Variants in GNAQ observed in about 807,000 individuals in gnomAD.
GNAQ encodes the protein guanine nucleotide-binding protein G(q) subunit alpha.
Under a neutral mutation model 43.9 loss-of-function variants are expected in GNAQ, and 8 were observed. That is an observed-to-expected ratio of 0.18 (90% confidence interval 0.11 to 0.33). The LOEUF (loss-of-function observed/expected upper bound fraction) is 0.33. Ranked by LOEUF, GNAQ falls within the 10% of genes least tolerant of loss-of-function variation. The pLI is 1.00. For synonymous variants in GNAQ, 155 were observed against 170.7 expected (o/e 0.91, Z 0.71); for missense variants, 158 against 450.8 (o/e 0.35, Z 5.88).
intron 1 of GNAQ, among the ~76,000 whole-genome samples, chr9:77,971,624 G>A (rs1032897275): frequency 5.9e-5 from 9 of 152,152 alleles, no homozygotes; most frequent in African/African-American, 1.7e-4. Context: ...TCAATGGAAC[G>A]TATCTCAAAA....
intron 5 of GNAQ, among the ~76,000 whole-genome samples, chr9:77,793,683 G>A (rs538778136): frequency 5.3e-5 from 8 of 152,088 alleles, no homozygotes; most frequent in Non-Finnish European, 1.0e-4. Flanking sequence ...TATCAATGGT[G>A]TCTTCCCCGT....
At chr9:77,834,812 C>T (rs1451587580) in intron 2 of GNAQ, among the ~76,000 whole-genome samples, 1 of 152,200 alleles carries the variant, frequency 6.6e-6, no homozygotes, top group East Asian at 1.9e-4. Context: ...CTATGCCCCA[C>T]TCCCAATCTG....
At chr9:78,011,711 T>C (rs1823774647) in intron 1 of GNAQ, among the ~76,000 whole-genome samples, 1 of 152,206 alleles carries the variant, frequency 6.6e-6, no homozygotes, top group African/African-American at 2.4e-5. Flanking sequence ...TTGACATTGA[T>C]ATTCAAAACA....
At chr9:77,898,836 C>G (rs1440602775) in intron 2 of GNAQ, among the ~76,000 whole-genome samples, 2 of 151,976 alleles carry the variant, frequency 1.3e-5, no homozygotes, top group South Asian at 4.2e-4. Context: ...GAGGTTGTTT[C>G]TTTCTTGCAT....
chr9:77,739,307 C>G (rs1274036207), intron 5 of GNAQ, among the ~76,000 whole-genome samples: 1 of 152,188 alleles, frequency 6.6e-6, no homozygotes, highest in Non-Finnish European at 1.5e-5. Context: ...AGATTACTTA[C>G]TAACATGTAG....
chr9:77,719,964 A>C lies in GNAQ; in HGVS notation c.*1359T>G, dbSNP rs1363783078. The C allele has an allele frequency of 3.0e-5, 7 of 232,518 alleles. No homozygotes were observed. Among genetic ancestry groups the C allele is most frequent in the South Asian group, 1.8e-4 (1 of 5,526 alleles). The allele number at this position is 232,518 out of a possible 1,614,324, so 14.4% of individuals were successfully genotyped here. ...TTTGGAAATTAAAGGTGTCGGAATAATACTACCAACCAATGTTCCTGGCAG... is the reference window on the plus strand; with the variant it reads ...TTTGGAAATTAAAGGTGTCGGAATACTACTACCAACCAATGTTCCTGGCAG... On this transcript the variant is annotated 3_prime_UTR_variant, in exon 7 of 7. Transcript: ENST00000286548.
chr9:77,728,952 T>A (rs1337153708), intron 5 of GNAQ, among the ~76,000 whole-genome samples: 1 of 152,186 alleles, frequency 6.6e-6, no homozygotes, highest in African/African-American at 2.4e-5. Flanking sequence ...GCCTAGAGAA[T>A]CATGTTGTGA....
intron 2 of GNAQ, among the ~76,000 whole-genome samples, chr9:77,819,029 A>ATG (rs1564120114): frequency 8.4e-6 from 1 of 119,184 alleles, no homozygotes. Context: ...AAAAAAAAAA[A>ATG]CACCCAAAAA....
At chr9:77,875,879 GT>G (rs969516928) in intron 2 of GNAQ, among the ~76,000 whole-genome samples, 5 of 152,128 alleles carry the variant, frequency 3.3e-5, no homozygotes, top group Non-Finnish European at 7.4e-5. Context: ...AGAGGGGAGA[GT>G]TTTGCTGAAA....
chr9:77,843,973 C>G (rs1186450113), intron 2 of GNAQ, among the ~76,000 whole-genome samples: 1 of 152,058 alleles, frequency 6.6e-6, no homozygotes, highest in African/African-American at 2.4e-5. Context: ...CTGACCACAC[C>G]CCACCATTCT....
chr9:77,774,301 T>C (rs900849821), intron 5 of GNAQ, among the ~76,000 whole-genome samples: 7 of 152,180 alleles, frequency 4.6e-5, no homozygotes, highest in Non-Finnish European at 8.8e-5. Flanking sequence ...TTTCAATAAA[T>C]TGACAGAAAA....
At chr9:77,856,062 C>G (rs1458883962) in intron 2 of GNAQ, among the ~76,000 whole-genome samples, 1 of 152,158 alleles carries the variant, frequency 6.6e-6, no homozygotes, top group African/African-American at 2.4e-5. Context: ...GAATAATAAT[C>G]TACACATCAT....
intron 1 of GNAQ, among the ~76,000 whole-genome samples, chr9:77,998,972 TC>T (rs1324595959): frequency 6.6e-6 from 1 of 150,902 alleles, no homozygotes; most frequent in African/African-American, 2.4e-5. Context: ...GCACCTGTAA[TC>T]CCAGCTACTT....
At chr9:77,958,436 C>T (rs1329681575) in intron 1 of GNAQ, among the ~76,000 whole-genome samples, 1 of 151,932 alleles carries the variant, frequency 6.6e-6, no homozygotes, top group Non-Finnish European at 1.5e-5. Context: ...GCTAAAATAA[C>T]AATAAATGAC....
In GNAQ at chr9:78,031,751, G is replaced by A. The variant is rs1824065951; in HGVS notation, c.-516C>T. ...CTGACACGGCTCCCGGGCGCCCTCG[G>A]CCCTGTCCGCGCCCACCGCCCGGCT... On this transcript the variant is annotated 5_prime_UTR_variant, in exon 1 of 7. Coordinates refer to ENST00000286548, the MANE Select transcript of GNAQ (RefSeq NM_002072.5). Among the ~76,000 whole-genome samples, 1 of 147,794 alleles carries A rather than the reference G, an allele frequency of 6.8e-6. No individual in the cohort carries two copies. Among genetic ancestry groups the A allele is most frequent in the South Asian group, 2.1e-4 (1 of 4,806 alleles).
At chr9:77,746,268 A>C (rs1454539289) in intron 5 of GNAQ, among the ~76,000 whole-genome samples, 1 of 152,208 alleles carries the variant, frequency 6.6e-6, no homozygotes, top group Non-Finnish European at 1.5e-5. Context: ...ACAAGGAAAT[A>C]AGCCAAGGAA....
chr9:77,972,441 G>T (rs925432709), intron 1 of GNAQ, among the ~76,000 whole-genome samples: 1 of 151,874 alleles, frequency 6.6e-6, no homozygotes, highest in East Asian at 1.9e-4. Context: ...CAAAACAAAT[G>T]CAAGTAACAT....
intron 5 of GNAQ, among the ~76,000 whole-genome samples, chr9:77,735,532 G>A (rs144511101): frequency 6.6e-6 from 1 of 152,284 alleles, no homozygotes; most frequent in Admixed American, 6.5e-5. Context: ...CTAGTCTTCT[G>A]CATATTTCTT....
In GNAQ at chr9:77,794,553, T is replaced by C. The variant is rs750117272; in HGVS notation, c.645A>G (p.Lys215=). 1 of 1,607,936 alleles carries C rather than the reference T, an allele frequency of 6.2e-7. No homozygotes were observed. The highest frequency in any genetic ancestry group is 8.5e-7 in the Non-Finnish European group (1 of 1,174,902). ...DVGGQRSERR[K]WIHCFENVTS... ...TGACATTTTCAAAGCAGTGTATCCA[T>C]TTTCTTCTCTCTGACCTTTGGCCCC... Residue 215 remains lysine, a synonymous_variant, in exon 5 of 7, where the codon AAA becomes AAG. Coordinates refer to ENST00000286548, the MANE Select transcript of GNAQ (RefSeq NM_002072.5).
Sources: allele counts gnomAD v4.1 joint callset (sites outside exome capture counted in the v4.1 genomes callset), GRCh38; gene constraint gnomAD v4.1.1; transcripts MANE v1.5; gene names NCBI Gene and HGNC (gene_info 2026-07-23, HGNC 2026-07-21).